DAB1: variants seen among roughly 807,000 people sequenced by gnomAD.
DAB1 encodes DAB adaptor protein 1, also known as disabled homolog 1.
A neutral mutation model predicts 64.6 loss-of-function variants in DAB1; 15 were observed. The observed-to-expected ratio is 0.23, with a 90% confidence interval of 0.16 to 0.36. The LOEUF (loss-of-function observed/expected upper bound fraction) is 0.36, where lower values mean the gene tolerates loss of function less well. DAB1 is among the 10% of genes least tolerant of loss of function. The pLI, the probability that DAB1 is intolerant of heterozygous loss-of-function variation, is 1.00. For missense variants in DAB1, 596 were observed against 706.7 expected, an observed-to-expected ratio of 0.84 and a Z score of 1.78; for synonymous variants, 235 against 251.9, an observed-to-expected ratio of 0.93 and a Z score of 0.64.
chr1:58,018,528 A>G (rs114930774), intron 5 of DAB1, among the ~76,000 whole-genome samples: 2,094 of 152,306 alleles, frequency 0.014, 15 homozygotes, highest in Non-Finnish European at 0.019. Flanking sequence ...GTATAAAACC[A>G]CTGACCTCTG....
At chr1:57,027,367 C>A (rs1344652673) in intron 9 of DAB1, among the ~76,000 whole-genome samples, 1 of 152,194 alleles carries the variant, frequency 6.6e-6, no homozygotes, top group Non-Finnish European at 1.5e-5. Context: ...GCCCCTCCAG[C>A]ACAACCCTAT....
At chr1:58,162,826 C>T (rs1655613526) in intron 4 of DAB1, among the ~76,000 whole-genome samples, 1 of 152,118 alleles carries the variant, frequency 6.6e-6, no homozygotes, top group East Asian at 1.9e-4. Flanking sequence ...GAAGGAATTG[C>T]AGCTGCCAAA....
chr1:57,078,976 A>G (rs972183398), intron 4 of DAB1, among the ~76,000 whole-genome samples: 2 of 152,192 alleles, frequency 1.3e-5, no homozygotes, highest in African/African-American at 2.4e-5. Flanking sequence ...GATTTGCTAT[A>G]AGATGAAATA....
chr1:58,097,325 C>T (rs1393186615), intron 5 of DAB1, among the ~76,000 whole-genome samples: 3 of 152,214 alleles, frequency 2.0e-5, no homozygotes, highest in Non-Finnish European at 4.4e-5. Flanking sequence ...ACACACTGTA[C>T]TGACTGTTAC....
intron 4 of DAB1, among the ~76,000 whole-genome samples, chr1:58,190,909 C>T (rs1657355238): frequency 6.6e-6 from 1 of 152,200 alleles, no homozygotes; most frequent in Admixed American, 6.5e-5. Context: ...GGGAGGAAAA[C>T]TCGACTTCCC....
intron 9 of DAB1, among the ~76,000 whole-genome samples, chr1:57,045,011 C>A (rs1363778822): frequency 6.6e-6 from 1 of 152,160 alleles, no homozygotes; most frequent in Non-Finnish European, 1.5e-5. Context: ...AGGAGGAAAC[C>A]AAGGCACAGA....
In DAB1 at chr1:57,145,522, T is replaced by C. The variant is rs55859809; in HGVS notation, c.68-93A>G. 5.7e-3 allele frequency: 7,756 copies of C among 1,365,676 alleles called. 379 individuals are homozygous for C. The African/African-American group carries it at 0.098, about 17-fold the overall frequency. The allele number at this position is 1,365,676 out of a possible 1,614,324, so 84.6% of individuals were successfully genotyped here. On this transcript the variant is annotated intron_variant, in intron 2 of 14. Coordinates refer to ENST00000371236, the MANE Select transcript of DAB1 (RefSeq NM_001365792.1). ...TTCCAAGATCCGCTGTCTGGTTTCA[T>C]CTACATTCCCGGAAAGTCAAATCAC...
intron 5 of DAB1, among the ~76,000 whole-genome samples, chr1:57,993,928 T>C (rs551256585): frequency 6.6e-6 from 1 of 152,316 alleles, no homozygotes; most frequent in East Asian, 1.9e-4. Context: ...TGCCAGGCCC[T>C]GTGCTAAGTG....
chr1:57,786,460 A>G (rs1240872835), intron 6 of DAB1, among the ~76,000 whole-genome samples: 1 of 152,216 alleles, frequency 6.6e-6, no homozygotes, highest in Non-Finnish European at 1.5e-5. Flanking sequence ...TAATGCTATT[A>G]TTATCTCTAA....
intron 7 of DAB1, among the ~76,000 whole-genome samples, chr1:57,530,054 T>A (rs1570600330): frequency 6.6e-6 from 1 of 152,252 alleles, no homozygotes; most frequent in Middle Eastern, 3.4e-3. Flanking sequence ...AAAGCATCCA[T>A]AGACTAGTTG....
At chr1:57,421,150 T>C (rs1258534790) in intron 1 of DAB1, among the ~76,000 whole-genome samples, 1 of 152,126 alleles carries the variant, frequency 6.6e-6, no homozygotes, top group African/African-American at 2.4e-5. Flanking sequence ...GAAAAATTAC[T>C]TTGGAGGGCA....
upstream of DAB1, among the ~76,000 whole-genome samples, chr1:57,428,614 G>A (rs889137104): frequency 6.6e-6 from 1 of 152,038 alleles, no homozygotes; most frequent in Non-Finnish European, 1.5e-5. Flanking sequence ...AACAATTCTG[G>A]AATGAACATG....
intron 1 of DAB1, among the ~76,000 whole-genome samples, chr1:57,826,954 AAG>A (rs1165089272): frequency 1.3e-5 from 2 of 152,224 alleles, no homozygotes; most frequent in Admixed American, 6.5e-5. Context: ...ACAAAAGAAA[AAG>A]AGATGAAGAA....
At chr1:57,710,501 A>C (rs892947729) in intron 6 of DAB1, among the ~76,000 whole-genome samples, 2 of 152,194 alleles carry the variant, frequency 1.3e-5, no homozygotes, top group African/African-American at 4.8e-5. Flanking sequence ...CCTTATGAGC[A>C]TGTTCTCAGT....
At chr1:57,577,701 C>T (rs1645266453) in intron 7 of DAB1, among the ~76,000 whole-genome samples, 1 of 152,130 alleles carries the variant, frequency 6.6e-6, no homozygotes, top group African/African-American at 2.4e-5. Context: ...GTTAAAAATG[C>T]AGATTCCTGA....
At chr1:58,543,638 T>A (rs1646656028) in intron 1 of DAB1, among the ~76,000 whole-genome samples, 1 of 152,166 alleles carries the variant, frequency 6.6e-6, no homozygotes, top group South Asian at 2.1e-4. Context: ...ACAATTAACA[T>A]ACAGTCCTAC....
At chr1:58,263,085 TA>T (rs780358169) in intron 4 of DAB1, among the ~76,000 whole-genome samples, 1 of 152,206 alleles carries the variant, frequency 6.6e-6, no homozygotes, top group Non-Finnish European at 1.5e-5. Context: ...CAATACCTTG[TA>T]AAATTACTGC....
At chr1:57,446,016 G>C (rs942706502) in intron 7 of DAB1, among the ~76,000 whole-genome samples, 14 of 152,276 alleles carry the variant, frequency 9.2e-5, no homozygotes, top group South Asian at 4.2e-4. Context: ...CTGGGAATCA[G>C]ATTATCTGTA....
chr1:57,035,190 C>A lies in DAB1; in HGVS notation c.724-9147G>T, dbSNP rs905796364. ...GAGGTTAAGGTTATGTCGCTACATC[C>A]TTTATAAATTCACACACTCCTAGCA... On this transcript the variant is annotated intron_variant, in intron 9 of 14. Coordinates refer to ENST00000371236, the MANE Select transcript of DAB1 (RefSeq NM_001365792.1). 2.6e-5 allele frequency among the ~76,000 whole-genome samples: 4 copies of A among 152,288 alleles called. No homozygotes were observed. In the East Asian group the frequency reaches 7.7e-4, roughly 29 times the overall value.
Sources: allele counts gnomAD v4.1 joint callset (sites outside exome capture counted in the v4.1 genomes callset), GRCh38; gene constraint gnomAD v4.1.1; transcripts MANE v1.5; gene names NCBI Gene and HGNC (gene_info 2026-07-23, HGNC 2026-07-21).